Variants in ATM observed in about 807,000 individuals in gnomAD.
ATM encodes ATM serine/threonine kinase.
A neutral mutation model predicts 387.0 loss-of-function variants in ATM; 308 were observed. That is an observed-to-expected ratio of 0.80 (90% confidence interval 0.73 to 0.87). ATM has a LOEUF of 0.87. ATM is among the 40% of genes least tolerant of loss of function. The probability of loss-of-function intolerance (pLI) is 0.00; values close to 1 mark genes in which losing one functional copy is unlikely to be tolerated. For synonymous variants in ATM, 1,156 were observed against 1,187.3 expected, an observed-to-expected ratio of 0.97 and a Z score of 0.54; for missense variants, 3,312 against 3,560.9, an observed-to-expected ratio of 0.93 and a Z score of 1.78.
intron 10 of ATM, 61 bp from the exon 11 acceptor site, chr11:108,251,772 TGATA>T (rs2135336950): frequency 2.7e-6 from 4 of 1,502,576 alleles, no homozygotes; most frequent in Admixed American, 1.7e-5. Context: ...GGCACTGTCC[TGATA>T]GATAAAGTCT....
chr11:108,283,479 C>T (rs2082335540), intron 25 of ATM, among the ~76,000 whole-genome samples: 1 of 152,174 alleles, frequency 6.6e-6, no homozygotes, highest in African/African-American at 2.4e-5. Context: ...GTGTTATGGA[C>T]TTTGCTATGC....
intron 32 of ATM, 23 bp from the exon 33 acceptor site, chr11:108,297,264 A>G: frequency 1.3e-6 from 2 of 1,598,776 alleles, no homozygotes; most frequent in Non-Finnish European, 1.7e-6. Flanking sequence ...AGTTTAAACT[A>G]ATTTTTAAAA....
rs1226186392 is a variant in ATM at position 108,331,916 on chromosome 11, C to A, written c.7667C>A (p.Thr2556Asn). 1.9e-6 allele frequency: 3 copies of A among 1,613,944 alleles called. No individual in the cohort carries two copies. The highest frequency in any genetic ancestry group is 1.7e-6 in the Non-Finnish European group (2 of 1,179,894). The stretch of plus-strand genomic sequence containing the variant: ...ATTTCAATGGATCACCCCCATCACA[C>A]TTTGTTTATTATACTGGCCTTAGCA... ...SRISMDHPHHTLFIILALANA... is the reference protein window; with the variant it reads ...SRISMDHPHHNLFIILALANA... Residue 2556 changes from threonine (T) to asparagine (N), a missense_variant, in exon 52 of 63, where the codon ACT becomes AAT. Coordinates refer to ENST00000675843, the MANE Select transcript of ATM (RefSeq NM_000051.4).
At chr11:108,330,716 A>G (rs900280685) in intron 50 of ATM, among the ~76,000 whole-genome samples, 7 of 152,208 alleles carry the variant, frequency 4.6e-5, no homozygotes, top group African/African-American at 1.7e-4. Flanking sequence ...TGCAGTTACC[A>G]TAGGAGAGGG....
intron 22 of ATM, among the ~76,000 whole-genome samples, chr11:108,275,572 C>T (rs111929914): frequency 0.11 from 16,193 of 152,172 alleles, 1,208 homozygotes; most frequent in Non-Finnish European, 0.14. Flanking sequence ...GACAAAATCT[C>T]TCAGCATTTG....
chr11:108,260,034 T>C (rs919457104), intron 16 of ATM, among the ~76,000 whole-genome samples: 65 of 146,898 alleles, frequency 4.4e-4, no homozygotes, highest in African/African-American at 1.5e-3. Flanking sequence ...TCTGCTCTTT[T>C]TTTTTTTTTT....
At chr11:108,282,042 T>C (rs2082261710) in intron 24 of ATM, among the ~76,000 whole-genome samples, 1 of 152,090 alleles carries the variant, frequency 6.6e-6, no homozygotes, top group African/African-American at 2.4e-5. Flanking sequence ...CATGGCTCAC[T>C]GCAGTCTTGA....
In ATM at chr11:108,250,773, G is replaced by A. The variant is rs2135318092; in HGVS notation, c.1308G>A (p.Leu436=). 1 of 1,611,984 alleles carries A rather than the reference G, an allele frequency of 6.2e-7. No individual in the cohort carries two copies. Among genetic ancestry groups the A allele is most frequent in the Non-Finnish European group, 8.5e-7 (1 of 1,179,810 alleles). ...CTAACTGTGAGCTGTCTCCATTACT[G>A]ATGATACTATCTCAGCTTCTACCCC... The part of the protein sequence containing the change: ...SLPNCELSPL[L]MILSQLLPQQ... Residue 436 remains leucine, a synonymous_variant, in exon 10 of 63, where the codon CTG becomes CTA. Coordinates refer to ENST00000675843, the MANE Select transcript of ATM (RefSeq NM_000051.4).
chr11:108,241,629 G>C (rs1339559134), intron 5 of ATM, among the ~76,000 whole-genome samples: 2 of 151,124 alleles, frequency 1.3e-5, no homozygotes, highest in Non-Finnish European at 2.9e-5. Flanking sequence ...ATGTGACTGT[G>C]GTTGGAATCA....
At chr11:108,289,905 C>A in intron 29 of ATM, 104 bp downstream of exon 29, 1 of 1,156,480 alleles carries the variant, frequency 8.6e-7, no homozygotes, top group South Asian at 1.4e-5. Context: ...TCACTCTGTC[C>A]GCCCAGGCTG....
At chr11:108,227,563 C>T in intron 1 of ATM, 32 bp from the exon 2 acceptor site, 1 of 1,273,352 alleles carries the variant, frequency 7.9e-7, no homozygotes, top group Non-Finnish European at 1.1e-6. Context: ...TATACATATA[C>T]ATATATATAC....
chr11:108,246,170 C>T (rs2079840381), intron 7 of ATM, among the ~76,000 whole-genome samples: 1 of 152,020 alleles, frequency 6.6e-6, no homozygotes, highest in African/African-American at 2.4e-5. Context: ...GTTTTATGGG[C>T]TCTTCTAATA....
In ATM at chr11:108,345,220, A is replaced by G. The variant is rs577782686; in HGVS notation, c.8419-523A>G. 3.9e-5 allele frequency among the ~76,000 whole-genome samples: 6 copies of G among 152,320 alleles called. No individual in the cohort carries two copies. The South Asian group carries it at 1.2e-3, about 32-fold the overall frequency. Reference sequence around the variant, plus strand: ...CACATTAAGCTAAAGCTTAATAAAGATATCTGGGCCAAACAGATTTAGAAA... The same window carrying G: ...CACATTAAGCTAAAGCTTAATAAAGGTATCTGGGCCAAACAGATTTAGAAA... On this transcript the variant is annotated intron_variant, in intron 57 of 62. Coordinates refer to ENST00000675843, the MANE Select transcript of ATM (RefSeq NM_000051.4).
At chr11:108,356,791 G>A (rs1190374970) in intron 61 of ATM, among the ~76,000 whole-genome samples, 2 of 152,082 alleles carry the variant, frequency 1.3e-5, no homozygotes, top group Non-Finnish European at 2.9e-5. Flanking sequence ...AGAGTAGTAG[G>A]AGATCAAATG....
chr11:108,246,897 T>G, intron 7 of ATM, 67 bp from the exon 8 acceptor site: 1 of 1,320,204 alleles, frequency 7.6e-7, no homozygotes, highest in Non-Finnish European at 1.1e-6. Flanking sequence ...CTGAATAATT[T>G]TGTGGGAGCT....
chr11:108,251,213 C>A, intron 10 of ATM, 141 bp downstream of exon 10: 1 of 1,275,674 alleles, frequency 7.8e-7, no homozygotes, highest in Non-Finnish European at 1.1e-6. Context: ...TCTTGTTTGG[C>A]CGAGAAGACT....
At chr11:108,243,067 A>G (rs2079645596) in intron 5 of ATM, among the ~76,000 whole-genome samples, 1 of 151,772 alleles carries the variant, frequency 6.6e-6, no homozygotes, top group Non-Finnish European at 1.5e-5. Context: ...CTAAAATACC[A>G]ATCAGTTGGG....
At chr11:108,345,708 A>G (rs2088253781) in intron 57 of ATM, 35 bp from the exon 58 acceptor site, 4 of 1,455,828 alleles carry the variant, frequency 2.7e-6, no homozygotes, top group Non-Finnish European at 3.7e-6. Context: ...TGAACACAAT[A>G]TTGAAAAATA....
rs755896387 is a variant in ATM at position 108,271,271 on chromosome 11, G to A, written c.2942G>A (p.Arg981His). 26 of 1,607,408 alleles carry A rather than the reference G, an allele frequency of 1.6e-5. No homozygotes were observed. Among genetic ancestry groups the A allele is most frequent in the South Asian group, 1.1e-4 (10 of 90,838 alleles). ...KPLSNVCSLY[R>H]RDQDVCKTIL... Reference sequence around the variant, plus strand: ...CACAGCAATGTGTGTTCTTTGTATCGTCGTGACCAAGATGTTTGTAAAACT... The same window carrying A: ...CACAGCAATGTGTGTTCTTTGTATCATCGTGACCAAGATGTTTGTAAAACT... Residue 981 changes from arginine (R) to histidine (H), a missense_variant, in exon 20 of 63, where the codon CGT becomes CAT. By Grantham distance (29) the Arg-to-His change is conservative (BLOSUM62 0). Coordinates refer to ENST00000675843, the MANE Select transcript of ATM (RefSeq NM_000051.4).
Sources: allele counts gnomAD v4.1 joint callset (sites outside exome capture counted in the v4.1 genomes callset), GRCh38; gene constraint gnomAD v4.1.1; transcripts MANE v1.5; gene names NCBI Gene and HGNC (gene_info 2026-07-23, HGNC 2026-07-21).